The following RYR3 variants were observed in gnomAD, a reference collection of about 807,000 sequenced individuals.
RYR3 encodes the protein ryanodine receptor 3, also known as brain ryanodine receptor-calcium release channel.
Under a neutral mutation model 584.3 loss-of-function variants are expected in RYR3, and 207 were observed. The observed-to-expected ratio is 0.35, with a 90% CI of 0.32 to 0.40. The LOEUF (loss-of-function observed/expected upper bound fraction) is 0.40, where lower values mean the gene tolerates loss of function less well. RYR3 is among the 10% of genes least tolerant of loss of function. The probability of loss-of-function intolerance (pLI) is 1.00; values close to 1 mark genes in which losing one functional copy is unlikely to be tolerated. For synonymous variants in RYR3, 2,416 were observed against 2,248.5 expected (o/e 1.07, Z -2.11); for missense variants, 5,616 against 6,089.2 (o/e 0.92, Z 2.59).
chr15:33,553,009 C>T (rs2056800489), intron 10 of RYR3, among the ~76,000 whole-genome samples: 1 of 152,110 alleles, frequency 6.6e-6, no homozygotes, highest in African/African-American at 2.4e-5. Context: ...TTGCCTGCTA[C>T]AGGTGTTATG....
rs12595559 is a variant in RYR3 at position 33,628,054 on chromosome 15, G to A, written c.2575-417G>A. Among the ~76,000 whole-genome samples the A allele has an allele frequency of 0.024, 3,601 of 152,270 alleles. 496 individuals carry two copies. In the East Asian group the frequency reaches 0.42, roughly 18 times the overall value. On this transcript the variant is annotated intron_variant, in intron 20 of 103. Transcript: ENST00000634891. ...GGAAAAATAATGAATTCAGCTTTGGGTAACATATTGAGCTCACTTTAATGG... is the reference window on the plus strand; with the variant it reads ...GGAAAAATAATGAATTCAGCTTTGGATAACATATTGAGCTCACTTTAATGG...
rs562399259 is a variant in RYR3, at chr15:33,620,473, C to T, written c.2358-3334C>T. Among the ~76,000 whole-genome samples the T allele has an allele frequency of 3.9e-5, 6 of 152,290 alleles. No homozygotes were observed. In the East Asian group the frequency reaches 1.2e-3, roughly 29 times the overall value. ...ACTACATAGTTGACTCAGCACTTCA[C>T]TTTAGGATGTGAAAATATTTAGCAT... On this transcript the variant is annotated intron_variant, in intron 19 of 103. Coordinates refer to ENST00000634891, the MANE Select transcript of RYR3 (RefSeq NM_001036.6).
At position 33,436,311 on chromosome 15, in the gene RYR3, T is replaced by C. The variant is rs75383555; in HGVS notation, c.52-37108T>C. 1.5e-3 allele frequency among the ~76,000 whole-genome samples: 229 copies of C among 152,286 alleles called. 7 individuals carry two copies. In the East Asian group the frequency reaches 0.042, roughly 28 times the overall value. On this transcript the variant is annotated intron_variant, in intron 1 of 103. Transcript: ENST00000634891. ...ATCAAGGTTGAGCATCTTTTTCATA[T>C]ATTTATTAGATATTGGTGTTGGTTT...
At chr15:33,634,077 ACT>A (rs1364803768) in intron 24 of RYR3, among the ~76,000 whole-genome samples, 2 of 151,072 alleles carry the variant, frequency 1.3e-5, no homozygotes, top group African/African-American at 2.4e-5. Context: ...AATGAGACAG[ACT>A]CTCTCTCTGT....
At chr15:33,522,400 G>T (rs17817262) in intron 3 of RYR3, among the ~76,000 whole-genome samples, 3,879 of 152,286 alleles carry the variant, frequency 0.025, 64 homozygotes, top group Non-Finnish European at 0.04. Context: ...AGTTGGTCCA[G>T]GCCCACTTGG....
intron 1 of RYR3, among the ~76,000 whole-genome samples, chr15:33,423,698 A>C (rs2044403138): frequency 1.3e-5 from 2 of 151,980 alleles, no homozygotes; most frequent in Admixed American, 1.3e-4. Context: ...AGTGGGTGTG[A>C]AGTAGAATCT....
chr15:33,566,702 A>G lies in RYR3; in HGVS notation c.1171A>G (p.Met391Val), dbSNP rs1219471123. The change falls in exon 12 of 104, where the codon ATG becomes GTG. Residue 391 changes from methionine to valine, a missense_variant. Around this residue, in one of 9 missense-constraint regions of RYR3, gnomAD observed 1,284 missense variants for 1,344.6 expected, o/e 0.95. Coordinates refer to ENST00000634891, the MANE Select transcript of RYR3 (RefSeq NM_001036.6). ...RKVILHQEGH[M>V]DDGLTLQRCQ... is the part of the protein sequence containing the mutation. The stretch of plus-strand genomic sequence containing the variant: ...GGTCATACTCCATCAGGAAGGCCAC[A>G]TGGATGATGGATTAACACTGCAGAG... The G allele has an allele frequency of 6.2e-7, 1 of 1,613,702 alleles. No individual in the cohort carries two copies. The highest frequency in any genetic ancestry group is 1.1e-5 in the South Asian group (1 of 91,082).
rs1158523988 is a variant in RYR3 at position 33,861,104 on chromosome 15, C to G, written c.14391C>G (p.Gly4797=). Residue 4797 remains glycine (G), a synonymous_variant, in exon 102 of 104, where the codon GGC becomes GGG. Transcript: ENST00000634891. ...METKCFICGI[G]NDYFDTTPHG... ...CTAAATGTTTCATCTGTGGGATTGG[C>G]AATGACTACTTTGACACAACCCCTC... The G allele has an allele frequency of 6.3e-7, 1 of 1,594,690 alleles. No individual in the cohort carries two copies. Among genetic ancestry groups the G allele is most frequent in the Non-Finnish European group, 8.6e-7 (1 of 1,169,564 alleles).
chr15:33,395,098 C>G (rs1009256318), intron 1 of RYR3, among the ~76,000 whole-genome samples: 1 of 152,128 alleles, frequency 6.6e-6, no homozygotes, highest in African/African-American at 2.4e-5. Flanking sequence ...TGTGTTATTC[C>G]AAGGACTGTG....
chr15:33,493,507 T>A (rs944830335), intron 2 of RYR3, among the ~76,000 whole-genome samples: 1 of 152,116 alleles, frequency 6.6e-6, no homozygotes, highest in Admixed American at 6.5e-5. Flanking sequence ...ATATAAAGAG[T>A]CAGTGTTTCA....
intron 43 of RYR3, among the ~76,000 whole-genome samples, chr15:33,717,015 A>G (rs969789903): frequency 3.3e-5 from 5 of 152,230 alleles, no homozygotes; most frequent in African/African-American, 4.8e-5. Context: ...TCAGGTTTCT[A>G]TGGCATTCAA....
intron 99 of RYR3, chr15:33,858,119 C>G (rs2079897325): frequency 4.6e-6 from 3 of 646,896 alleles, no homozygotes; most frequent in Non-Finnish European, 7.8e-6. Context: ...AGGTAGTTTT[C>G]ATTACCACAC....
chr15:33,336,440 AAGAGAGAG>A (rs1204873404), intron 1 of RYR3, among the ~76,000 whole-genome samples: 709 of 12,112 alleles, frequency 0.059, 146 homozygotes, highest in Non-Finnish European at 0.068. Flanking sequence ...GAAAGAAAGA[AAGAGAGAG>A]AGAGAGAGAG....
chr15:33,641,861 C>T (rs905647100), intron 27 of RYR3, among the ~76,000 whole-genome samples: 3 of 152,218 alleles, frequency 2.0e-5, no homozygotes, highest in Non-Finnish European at 4.4e-5. Context: ...ACACTTTACT[C>T]TCTAGTGAAT....
At position 33,838,279 on chromosome 15, in the gene RYR3, C is replaced by G. The variant is rs1477996541; in HGVS notation, c.12299C>G (p.Ser4100Cys). The G allele has an allele frequency of 6.2e-7, 1 of 1,613,998 alleles. No homozygotes were observed. The highest frequency in any genetic ancestry group is 1.1e-5 in the South Asian group (1 of 91,080). The change falls in exon 89 of 104, where the codon TCT becomes TGT. Residue 4100 changes from serine to cysteine, a missense_variant. Physicochemically the swap from Ser to Cys is moderately radical, Grantham distance 112. Transcript: ENST00000634891. ...EDTIFEMQLA[S>C]QISESDSADR... ...ACCATCTTTGAAATGCAGTTAGCATCTCAGATCTCTGAATCCGATTCAGCT... is the reference window on the plus strand; with the variant it reads ...ACCATCTTTGAAATGCAGTTAGCATGTCAGATCTCTGAATCCGATTCAGCT...
At position 33,853,015 on chromosome 15, in the gene RYR3, A is replaced by C. The variant is rs1293724593; in HGVS notation, c.13629-30A>C. On this transcript the variant is annotated intron_variant, in intron 94 of 103. Coordinates refer to ENST00000634891, the MANE Select transcript of RYR3 (RefSeq NM_001036.6). ...GTGTTTTCCTTGATGTTAAGAATGA[A>C]GAACCAACCTTTTTCGTTTTGTTTT... is the stretch of plus-strand genomic sequence containing the variant. 4.4e-6 allele frequency: 7 copies of C among 1,590,732 alleles called. No individual in the cohort carries two copies. The East Asian group carries it at 1.6e-4, about 36-fold the overall frequency.
chr15:33,786,454 C>A (rs573527216), intron 66 of RYR3, among the ~76,000 whole-genome samples: 1 of 151,622 alleles, frequency 6.6e-6, no homozygotes, highest in African/African-American at 2.4e-5. Flanking sequence ...CTGTCTCATG[C>A]GGGCTCACGG....
At position 33,861,192 on chromosome 15, in the gene RYR3, G is replaced by A; in HGVS notation, c.14465+14G>A. 6.4e-7 allele frequency: 1 copy of A among 1,552,320 alleles called. No individual in the cohort carries two copies. ...AGCCAACTACTTGTGAGTATTCTTGGTTAACAAAAGTAATGGCAGCTGTAG... is the reference window on the plus strand; with the variant it reads ...AGCCAACTACTTGTGAGTATTCTTGATTAACAAAAGTAATGGCAGCTGTAG... On this transcript the variant is annotated intron_variant, in intron 102 of 103. Coordinates refer to ENST00000634891, the MANE Select transcript of RYR3 (RefSeq NM_001036.6).
intron 62 of RYR3, 25 bp downstream of exon 62, chr15:33,769,197 T>A: frequency 6.4e-7 from 1 of 1,551,734 alleles, no homozygotes; most frequent in Non-Finnish European, 8.9e-7. Flanking sequence ...TTTTTCCCAA[T>A]AGTTTCTCAT....
Sources: gnomAD v4.1 joint callset for allele counts (sites outside exome capture counted in the v4.1 genomes callset) on GRCh38, gnomAD v4.1.1 for gene constraint, gnomAD v4.1.1 regional missense constraint, MANE v1.5 for transcripts, NCBI Gene and HGNC (gene_info 2026-07-23, HGNC 2026-07-21) for gene names.